The following ANKRD27 variants were observed in gnomAD, a reference collection of about 807,000 sequenced individuals.
ANKRD27 encodes ankyrin repeat domain-containing protein 27.
A neutral mutation model predicts 129.7 loss-of-function variants in ANKRD27; 112 were observed. That is an observed-to-expected ratio of 0.86 (90% CI 0.74 to 1.01). ANKRD27 has a LOEUF of 1.01. Among genes scored for constraint, ANKRD27 ranks in the 50% least tolerant of loss-of-function variants. The pLI is 0.00. For synonymous variants in ANKRD27, 516 were observed against 511.2 expected (o/e 1.01, Z -0.13); for missense variants, 1,258 against 1,300.5 (o/e 0.97, Z 0.50).
At chr19:32,600,790 C>CA (rs1460595590) in intron 26 of ANKRD27, among the ~76,000 whole-genome samples, 2 of 151,972 alleles carry the variant, frequency 1.3e-5, no homozygotes, top group Admixed American at 1.3e-4. Flanking sequence ...GAGACAGTCT[C>CA]AGGGTTATCG....
At chr19:32,653,613 G>T (rs1434348335) in intron 2 of ANKRD27, among the ~76,000 whole-genome samples, 1 of 152,124 alleles carries the variant, frequency 6.6e-6, no homozygotes, top group Non-Finnish European at 1.5e-5. Flanking sequence ...ACAGGAGAAG[G>T]CGCTTCCACT....
chr19:32,604,426 T>C lies in ANKRD27; in HGVS notation c.2494-2A>G. 1 of 1,595,050 alleles carries C rather than the reference T, an allele frequency of 6.3e-7. No individual in the cohort carries two copies. Among genetic ancestry groups the C allele is most frequent in the Non-Finnish European group, 8.6e-7 (1 of 1,165,442 alleles). On this transcript the variant is annotated splice_acceptor_variant, in intron 24 of 28. Transcript: ENST00000306065. LOFTEE classifies it high-confidence loss of function. ...AGAAGCGTTAATGGAGGCCCCGTGCTGGAAAGAGAAACCACACGATCAAAA... is the reference window on the plus strand; with the variant it reads ...AGAAGCGTTAATGGAGGCCCCGTGCCGGAAAGAGAAACCACACGATCAAAA...
Position 32,643,623 on chromosome 19 carries a change from C to G in ANKRD27, c.534G>C (p.Ala178=). 6.2e-7 allele frequency: 1 copy of G among 1,613,942 alleles called. No homozygotes were observed. The highest frequency in any genetic ancestry group is 8.5e-7 in the Non-Finnish European group (1 of 1,180,018). The change falls in exon 6 of 29, where the codon GCG becomes GCC. Residue 178 remains alanine (A), a synonymous_variant. Transcript: ENST00000306065. Reference sequence around the variant, plus strand: ...GGAGGCATTTGGTGTAGAGAGCATTCGCTGAGTCCTAAACCACATAGAGCA... The same window carrying G: ...GGAGGCATTTGGTGTAGAGAGCATTGGCTGAGTCCTAAACCACATAGAGCA... ...RKSLRHHIDS[A]NALYTKCLQQ...
chr19:32,608,005 C>CT (rs35228145), intron 22 of ANKRD27, among the ~76,000 whole-genome samples, 173 bp from the exon 23 acceptor site: 83,995 of 143,488 alleles, frequency 0.59, 25,240 homozygotes, highest in Non-Finnish European at 0.69. Flanking sequence ...AAACAACTTC[C>CT]TTTTTTTTTT....
intron 1 of ANKRD27, among the ~76,000 whole-genome samples, chr19:32,669,090 C>T (rs1967816892): frequency 6.6e-6 from 1 of 152,176 alleles, no homozygotes; most frequent in African/African-American, 2.4e-5. Context: ...GGGATTACAG[C>T]GTGAGCAACC....
intron 10 of ANKRD27, among the ~76,000 whole-genome samples, chr19:32,640,714 C>T (rs1176853606): frequency 1.3e-5 from 2 of 152,032 alleles, no homozygotes; most frequent in Admixed American, 6.6e-5. Context: ...CCAGCCTGGG[C>T]AATATAGCAA....
chr19:32,599,864 T>C lies in ANKRD27; in HGVS notation c.2847-88A>G, dbSNP rs556253587. On this transcript the variant is annotated intron_variant, in intron 27 of 28. Transcript: ENST00000306065. Reference sequence around the variant, plus strand: ...CACAAGGTGGCAGCATTTTTGACATTAGTAGGTGCAGATTTGTCCATAACC... The same window carrying C: ...CACAAGGTGGCAGCATTTTTGACATCAGTAGGTGCAGATTTGTCCATAACC... The C allele has an allele frequency of 2.0e-5, 31 of 1,519,368 alleles. No individual in the cohort carries two copies. In the African/African-American group the frequency reaches 2.5e-4, roughly 12 times the overall value. The allele number at this position is 1,519,368 out of a possible 1,614,324, so 94.1% of individuals were successfully genotyped here. A position where few individuals can be genotyped will look rare whatever the true frequency, so the allele number is the denominator to read the frequency against.
At chr19:32,654,773 TTTTGTTTG>T (rs558681299) in intron 2 of ANKRD27, among the ~76,000 whole-genome samples, 6 of 151,874 alleles carry the variant, frequency 4.0e-5, no homozygotes, top group Non-Finnish European at 7.4e-5. Flanking sequence ...TTTTTGTTTG[TTTTGTTTG>T]TTTGTTTGTT....
intron 13 of ANKRD27, among the ~76,000 whole-genome samples, chr19:32,629,346 G>A (rs904169804): frequency 2.6e-5 from 4 of 152,104 alleles, no homozygotes; most frequent in African/African-American, 9.7e-5. Flanking sequence ...ACTGCACAAT[G>A]GTGGCCGGCT....
chr19:32,627,943 G>A (rs1037055934), intron 15 of ANKRD27, 140 bp downstream of exon 15: 24 of 735,910 alleles, frequency 3.3e-5, no homozygotes, highest in African/African-American at 1.8e-4. Context: ...TTCTCCTTCC[G>A]GCCCTTGGAG....
At chr19:32,605,210 A>G (rs1285686285) in intron 24 of ANKRD27, among the ~76,000 whole-genome samples, 1 of 152,120 alleles carries the variant, frequency 6.6e-6, no homozygotes, top group Admixed American at 6.6e-5. Flanking sequence ...CATCTCTACT[A>G]AAAACAAACA....
intron 18 of ANKRD27, among the ~76,000 whole-genome samples, chr19:32,621,240 G>A (rs891419592): frequency 6.6e-6 from 1 of 152,206 alleles, no homozygotes; most frequent in Non-Finnish European, 1.5e-5. Flanking sequence ...CCAGCACCCT[G>A]GGAGGCCAAG....
At chr19:32,636,709 TTC>T (rs56115659) in intron 12 of ANKRD27, among the ~76,000 whole-genome samples, 39 of 145,492 alleles carry the variant, frequency 2.7e-4, no homozygotes, top group African/African-American at 6.3e-4. Flanking sequence ...AAAAAAACAG[TTC>T]TCTCTCTCTC....
intron 11 of ANKRD27, 90 bp from the exon 12 acceptor site, chr19:32,639,578 T>C: frequency 3.5e-6 from 5 of 1,421,432 alleles, no homozygotes; most frequent in Non-Finnish European, 4.9e-6. Context: ...ACTGATCAAA[T>C]ATCTAGTCAG....
At chr19:32,650,105 C>T (rs747634886) in intron 2 of ANKRD27, among the ~76,000 whole-genome samples, 2 of 152,022 alleles carry the variant, frequency 1.3e-5, no homozygotes, top group Admixed American at 6.6e-5. Flanking sequence ...ATCGCTGGGT[C>T]CCCCCCAGGC....
intron 2 of ANKRD27, chr19:32,654,995 T>C (rs758636282): frequency 1.3e-5 from 2 of 152,300 alleles, no homozygotes; most frequent in African/African-American, 2.4e-5. Flanking sequence ...TTGGCCAGTC[T>C]GGTCTTGAAC....
intron 22 of ANKRD27, among the ~76,000 whole-genome samples, chr19:32,613,218 C>A (rs1271656802): frequency 6.6e-6 from 1 of 152,162 alleles, no homozygotes; most frequent in Non-Finnish European, 1.5e-5. Context: ...ATTAAGGCCA[C>A]ACTGAGATAG....
chr19:32,625,039 T>C (rs1480844038), intron 17 of ANKRD27, among the ~76,000 whole-genome samples: 3 of 152,158 alleles, frequency 2.0e-5, no homozygotes, highest in Non-Finnish European at 4.4e-5. Flanking sequence ...GAAGATCACC[T>C]GGGGCCAGGA....
intron 1 of ANKRD27, among the ~76,000 whole-genome samples, chr19:32,662,051 G>A (rs1371051055): frequency 2.0e-5 from 3 of 151,982 alleles, no homozygotes; most frequent in African/African-American, 4.8e-5. Context: ...GGTGGCTCAC[G>A]CCTATAATCC....
Sources: allele counts gnomAD v4.1 joint callset (sites outside exome capture counted in the v4.1 genomes callset), GRCh38; gene constraint gnomAD v4.1.1; transcripts MANE v1.5; gene names NCBI Gene and HGNC (gene_info 2026-07-23, HGNC 2026-07-21).